SGCZ: variants seen among roughly 807,000 people sequenced by gnomAD.
The protein encoded by SGCZ is zeta-sarcoglycan.
In SGCZ, 40 loss-of-function variants were observed where a neutral mutation model predicts 41.3. That is an observed-to-expected ratio of 0.97 (90% CI 0.75 to 1.26). SGCZ has a LOEUF of 1.26. SGCZ is among the 50% of genes most tolerant of loss of function. The pLI, the probability that SGCZ is intolerant of heterozygous loss-of-function variation, is 0.00. For synonymous variants in SGCZ, 206 were observed against 137.5 expected (o/e 1.50, Z -3.49); for missense variants, 552 against 369.8 (o/e 1.49, Z -4.04).
intron 1 of SGCZ, among the ~76,000 whole-genome samples, chr8:14,673,885 G>A (rs1289269117): frequency 6.6e-6 from 1 of 152,074 alleles, no homozygotes; most frequent in Non-Finnish European, 1.5e-5. Flanking sequence ...TATGATCTGT[G>A]ATATACACAA....
chr8:14,509,854 G>C (rs28449970), intron 2 of SGCZ, among the ~76,000 whole-genome samples: 9,482 of 152,082 alleles, frequency 0.062, 413 homozygotes, highest in African/African-American at 0.12. Context: ...GCAAAGTGGG[G>C]AAGAGCCCCT....
chr8:14,910,515 A>T (rs1478818112), intron 1 of SGCZ, among the ~76,000 whole-genome samples: 3 of 151,946 alleles, frequency 2.0e-5, no homozygotes, highest in South Asian at 4.1e-4. Flanking sequence ...AACATTTGTT[A>T]AAAACATTCC....
At chr8:14,443,141 C>T (rs1240883174) in intron 2 of SGCZ, among the ~76,000 whole-genome samples, 3 of 140,152 alleles carry the variant, frequency 2.1e-5, no homozygotes, top group African/African-American at 8.6e-5. Flanking sequence ...CCACAAACCA[C>T]TGCTCAAGGA....
At chr8:14,298,071 T>C (rs1801072540) in intron 3 of SGCZ, among the ~76,000 whole-genome samples, 1 of 152,020 alleles carries the variant, frequency 6.6e-6, no homozygotes, top group Non-Finnish European at 1.5e-5. Flanking sequence ...TGAATTAATA[T>C]AATTCATAAT....
At chr8:14,357,565 A>G (rs1563277360) in intron 2 of SGCZ, among the ~76,000 whole-genome samples, 1 of 152,140 alleles carries the variant, frequency 6.6e-6, no homozygotes, top group African/African-American at 2.4e-5. Context: ...GGTAAGACAT[A>G]TGGCAAAAGG....
chr8:15,045,082 T>TATTC (rs1804252783), intron 1 of SGCZ, among the ~76,000 whole-genome samples: 2 of 124,144 alleles, frequency 1.6e-5, no homozygotes, highest in African/African-American at 5.6e-5. Flanking sequence ...GAGCTTTTTA[T>TATTC]ATTTATTTAT....
chr8:15,176,412 G>T (rs1800002721), intron 1 of SGCZ, among the ~76,000 whole-genome samples: 1 of 152,100 alleles, frequency 6.6e-6, no homozygotes, highest in African/African-American at 2.4e-5. Flanking sequence ...CTTGGCATTT[G>T]ACGGCAAATA....
Position 15,038,591 on chromosome 8 carries a change from G to A in SGCZ, c.39+198994C>T, listed in dbSNP as rs568241330. On this transcript the variant is annotated intron_variant, in intron 1 of 7. Transcript: ENST00000382080. ...TAACCCCAAACGCACAGGCAAAAAA[G>A]CAAAAATAGGCAAATGGAATTGCAT... Among the ~76,000 whole-genome samples the A allele has an allele frequency of 8.6e-5, 13 of 151,616 alleles. No homozygotes were observed. In the South Asian group the frequency reaches 2.5e-3, roughly 29 times the overall value.
At chr8:15,069,904 T>G (rs1033568029) in intron 1 of SGCZ, among the ~76,000 whole-genome samples, 1 of 152,102 alleles carries the variant, frequency 6.6e-6, no homozygotes, top group African/African-American at 2.4e-5. Context: ...CATATCTGTT[T>G]CATTTTATAT....
chr8:14,129,251 G>C (rs543256284), intron 5 of SGCZ, among the ~76,000 whole-genome samples: 25 of 143,404 alleles, frequency 1.7e-4, no homozygotes, highest in Non-Finnish European at 3.6e-4. Context: ...GAGGCAGAGA[G>C]AAGAGAATTG....
At chr8:14,292,861 T>C (rs994439985) in intron 3 of SGCZ, among the ~76,000 whole-genome samples, 1 of 152,024 alleles carries the variant, frequency 6.6e-6, no homozygotes, top group Non-Finnish European at 1.5e-5. Context: ...TCTGTCTCTA[T>C]ATATATAATT....
intron 1 of SGCZ, among the ~76,000 whole-genome samples, chr8:14,587,490 G>A (rs1258952172): frequency 1.4e-5 from 2 of 147,954 alleles, no homozygotes; most frequent in Admixed American, 6.9e-5. Context: ...GGGCAACACA[G>A]GGAGACCTGC....
chr8:14,319,981 A>C (rs1801861801), intron 3 of SGCZ, among the ~76,000 whole-genome samples: 1 of 151,920 alleles, frequency 6.6e-6, no homozygotes, highest in Non-Finnish European at 1.5e-5. Context: ...CCATTTCCTA[A>C]TTTATTTTTA....
intron 1 of SGCZ, among the ~76,000 whole-genome samples, chr8:14,836,656 C>T (rs1802712216): frequency 6.6e-6 from 1 of 152,136 alleles, no homozygotes; most frequent in African/African-American, 2.4e-5. Context: ...TCTCACCATA[C>T]CCAGGTAATT....
intron 2 of SGCZ, among the ~76,000 whole-genome samples, chr8:14,425,329 A>G (rs1308444211): frequency 6.6e-6 from 1 of 152,304 alleles, no homozygotes; most frequent in African/African-American, 2.4e-5. Context: ...AATTTCAAAA[A>G]GTACATCTTG....
intron 1 of SGCZ, among the ~76,000 whole-genome samples, chr8:15,103,870 A>C (rs1208151406): frequency 6.6e-6 from 1 of 152,216 alleles, no homozygotes; most frequent in Non-Finnish European, 1.5e-5. Context: ...CAAAGCATAC[A>C]AATACGAAGC....
At chr8:14,327,992 G>A (rs1802184125) in intron 2 of SGCZ, among the ~76,000 whole-genome samples, 1 of 152,128 alleles carries the variant, frequency 6.6e-6, no homozygotes, top group African/African-American at 2.4e-5. Context: ...TGCTGGACAA[G>A]GACTGCTCTT....
chr8:14,227,891 A>G (rs1806426647), intron 4 of SGCZ, among the ~76,000 whole-genome samples: 1 of 152,074 alleles, frequency 6.6e-6, no homozygotes, highest in Non-Finnish European at 1.5e-5. Flanking sequence ...CAAAAACGTA[A>G]CTGTAGTTAA....
intron 1 of SGCZ, among the ~76,000 whole-genome samples, chr8:14,725,868 G>T (rs557421560): frequency 1.3e-5 from 2 of 152,030 alleles, no homozygotes; most frequent in East Asian, 3.9e-4. Flanking sequence ...ATGGAAAGGC[G>T]ATTACTAAAA....
Sources: allele counts gnomAD v4.1 joint callset (sites outside exome capture counted in the v4.1 genomes callset), GRCh38; gene constraint gnomAD v4.1.1; transcripts MANE v1.5; gene names NCBI Gene and HGNC (gene_info 2026-07-23, HGNC 2026-07-21).